CD99L2: variants seen among roughly 807,000 people sequenced by gnomAD.
CD99L2 encodes CD99 antigen-like protein 2.
Under a neutral mutation model 27.3 loss-of-function variants are expected in CD99L2, and 24 were observed. The ratio of observed to expected loss-of-function variants is 0.88; its 90% CI spans 0.64 to 1.24. The LOEUF (loss-of-function observed/expected upper bound fraction) is 1.24. CD99L2 is among the 50% of genes most tolerant of loss of function. CD99L2 has a pLI of 0.00. For missense variants in CD99L2, 255 were observed against 221.6 expected (o/e 1.15, Z -0.96); for synonymous variants, 97 against 87.9 (o/e 1.10, Z -0.58).
At chrX:150,892,328 C>T (rs1557422861) in intron 1 of CD99L2, among the ~76,000 whole-genome samples, 1 of 109,166 alleles carries the variant, frequency 9.2e-6, no homozygotes, top group Admixed American at 9.8e-5. Context: ...AACAGGAGGC[C>T]GGGCACGGTG....
chrX:150,778,977 C>T (rs981547755), intron 7 of CD99L2, among the ~76,000 whole-genome samples: 3 of 111,597 alleles, frequency 2.7e-5, no homozygotes, highest in Non-Finnish European at 5.6e-5. Context: ...CTGGAGGTGG[C>T]TGTCGTGATG....
chrX:150,784,607 A>G (rs2045565884), intron 7 of CD99L2, among the ~76,000 whole-genome samples: 1 of 112,281 alleles, frequency 8.9e-6, no homozygotes, highest in Non-Finnish European at 1.9e-5. Context: ...TCCAGGAGAA[A>G]GCAGCAGGTC....
intron 1 of CD99L2, among the ~76,000 whole-genome samples, chrX:150,891,854 G>A (rs1164499611): frequency 1.3e-4 from 15 of 111,935 alleles, no homozygotes; most frequent in African/African-American, 4.2e-4. Flanking sequence ...TGGGGGACAG[G>A]AACCCCTTGA....
chrX:150,845,084 T>C (rs949208483), intron 1 of CD99L2, among the ~76,000 whole-genome samples: 2 of 112,385 alleles, frequency 1.8e-5, no homozygotes, highest in Admixed American at 9.4e-5. Flanking sequence ...GAGTTTGTAA[T>C]TGAAAGGCCA....
intron 1 of CD99L2, among the ~76,000 whole-genome samples, chrX:150,868,898 T>C (rs1254657468): frequency 8.9e-6 from 1 of 111,781 alleles, no homozygotes; most frequent in African/African-American, 3.3e-5. Flanking sequence ...TAAAACTGAG[T>C]TACACACATG....
chrX:150,794,650 G>C (rs782585577), intron 6 of CD99L2, among the ~76,000 whole-genome samples: 2 of 111,978 alleles, frequency 1.8e-5, no homozygotes, highest in Non-Finnish European at 3.8e-5. Context: ...CCAAGTTTTG[G>C]TGTCCTATCC....
rs921765207 is a variant in CD99L2 at position 150,833,109 on chromosome X, T to C, written c.68-1816A>G. On this transcript the variant is annotated intron_variant, in intron 1 of 10. Transcript: ENST00000370377. ...AACTATGAGAACTGATAAACAAATT[T>C]AGTAAAGTAGCAGGTTACAAAATCA... is the stretch of plus-strand genomic sequence containing the variant. Among the ~76,000 whole-genome samples the C allele has an allele frequency of 2.8e-5, 3 of 108,494 alleles. No individual in the cohort carries two copies. In the East Asian group the frequency reaches 8.5e-4, roughly 31 times the overall value. 94.2% of individuals were successfully genotyped at this position (108,494 alleles called of 115,157 possible).
At chrX:150,769,274 G>A (rs1244922013) in intron 10 of CD99L2, among the ~76,000 whole-genome samples, 173 bp from the exon 11 acceptor site, 2 of 112,193 alleles carry the variant, frequency 1.8e-5, no homozygotes, top group African/African-American at 6.5e-5. Flanking sequence ...CGGTCAAGGG[G>A]AGAGAAAGAG....
Position 150,867,043 on chromosome X carries a change from C to T in CD99L2, c.67+31479G>A, listed in dbSNP as rs914843158. Among the ~76,000 whole-genome samples, 4 of 111,355 alleles carry T rather than the reference C, an allele frequency of 3.6e-5. No individual in the cohort carries two copies. The East Asian group carries it at 1.1e-3, about 31-fold the overall frequency. On this transcript the variant is annotated intron_variant, in intron 1 of 10. Transcript: ENST00000370377. ...TTGTTTTCTAGTTTTTCCAAATGTGCAAAAACTTTCCTAATTACTGTATGT... is the reference window on the plus strand; with the variant it reads ...TTGTTTTCTAGTTTTTCCAAATGTGTAAAAACTTTCCTAATTACTGTATGT...
intron 1 of CD99L2, among the ~76,000 whole-genome samples, chrX:150,865,821 TAAA>T (rs1241324579): frequency 7.1e-5 from 8 of 112,501 alleles, no homozygotes; most frequent in Non-Finnish European, 1.3e-4. Flanking sequence ...GTGGTATTTT[TAAA>T]AACCTAATTT....
At chrX:150,795,556 A>C in intron 4 of CD99L2, 70 bp from the exon 5 acceptor site, 6 of 1,038,412 alleles carry the variant, frequency 5.8e-6, no homozygotes, top group Non-Finnish European at 8.1e-6. Context: ...TTCATGGCTC[A>C]GGGAAGTCAC....
intron 1 of CD99L2, among the ~76,000 whole-genome samples, chrX:150,873,466 G>A (rs2047186589): frequency 8.9e-6 from 1 of 112,198 alleles, no homozygotes; most frequent in African/African-American, 3.2e-5. Flanking sequence ...TTGCAGTGAT[G>A]AAAGTGTTTC....
chrX:150,861,096 C>T (rs917184972), intron 1 of CD99L2, among the ~76,000 whole-genome samples: 4 of 99,715 alleles, frequency 4.0e-5, no homozygotes, highest in South Asian at 5.1e-4. Flanking sequence ...GAGCCGAGAC[C>T]GCACCACTGC....
intron 1 of CD99L2, among the ~76,000 whole-genome samples, chrX:150,876,102 G>A (rs2047224989): frequency 8.9e-6 from 1 of 112,266 alleles, no homozygotes; most frequent in African/African-American, 3.2e-5. Context: ...TATGAGACAT[G>A]TGGGCTGATT....
At chrX:150,868,299 G>A (rs1219883538) in intron 1 of CD99L2, among the ~76,000 whole-genome samples, 1 of 110,751 alleles carries the variant, frequency 9.0e-6, no homozygotes, top group Non-Finnish European at 1.9e-5. Flanking sequence ...AGGCCAAGGC[G>A]GGCAGATCAC....
chrX:150,815,439 G>A (rs986980647), intron 3 of CD99L2, among the ~76,000 whole-genome samples: 14 of 111,966 alleles, frequency 1.3e-4, no homozygotes, highest in Non-Finnish European at 2.3e-4. Flanking sequence ...CGCACAGAAC[G>A]TATTATCATG....
intron 7 of CD99L2, among the ~76,000 whole-genome samples, chrX:150,782,597 A>C (rs1557419455): frequency 8.9e-6 from 1 of 112,307 alleles, no homozygotes; most frequent in East Asian, 2.8e-4. Context: ...GGGGAGTCTA[A>C]GGGAGCAAGT....
chrX:150,834,059 T>C (rs2046488305), intron 1 of CD99L2, among the ~76,000 whole-genome samples: 2 of 111,887 alleles, frequency 1.8e-5, no homozygotes, highest in South Asian at 7.4e-4. Context: ...TATAAGGAAC[T>C]CAACTCAATA....
intron 4 of CD99L2, among the ~76,000 whole-genome samples, chrX:150,809,891 AG>A (rs1158152058): frequency 8.9e-6 from 1 of 112,362 alleles, no homozygotes; most frequent in East Asian, 2.8e-4. Context: ...CAATGATAAA[AG>A]AATCAATCCA....
Sources: allele counts gnomAD v4.1 joint callset (sites outside exome capture counted in the v4.1 genomes callset), GRCh38; gene constraint gnomAD v4.1.1; transcripts MANE v1.5; gene names NCBI Gene and HGNC (gene_info 2026-07-23, HGNC 2026-07-21).